Variants in PTPRM observed in about 807,000 individuals in gnomAD.
PTPRM encodes the protein protein tyrosine phosphatase receptor type M.
A neutral mutation model predicts 186.7 loss-of-function variants in PTPRM; 47 were observed. The observed-to-expected ratio is 0.25, with a 90% CI of 0.20 to 0.32. PTPRM has a LOEUF of 0.32. PTPRM is among the 10% of genes least tolerant of loss of function. The pLI is 1.00. For missense variants in PTPRM, 1,494 were observed against 1,865.0 expected (o/e 0.80, Z 3.66); for synonymous variants, 668 against 674.9 (o/e 0.99, Z 0.16).
intron 7 of PTPRM, among the ~76,000 whole-genome samples, chr18:7,993,143 G>C (rs139178146): frequency 1.3e-3 from 192 of 151,830 alleles, no homozygotes; most frequent in African/African-American, 4.3e-3. Flanking sequence ...AATGACTAAA[G>C]TTAAAGATAG....
intron 1 of PTPRM, among the ~76,000 whole-genome samples, chr18:7,625,217 C>T (rs907580883): frequency 6.6e-5 from 10 of 152,152 alleles, no homozygotes; most frequent in East Asian, 1.9e-4. Flanking sequence ...GAATCTGTTT[C>T]CTTTGTTTCT....
intron 5 of PTPRM, among the ~76,000 whole-genome samples, chr18:7,947,848 C>T (rs7239786): frequency 0.25 from 38,421 of 151,936 alleles, 5,885 homozygotes; most frequent in African/African-American, 0.43. Flanking sequence ...GCCATCGTTT[C>T]TGATTATGTA....
intron 14 of PTPRM, among the ~76,000 whole-genome samples, chr18:8,210,290 G>T (rs764924533): frequency 1.1e-4 from 16 of 152,066 alleles, no homozygotes; most frequent in Admixed American, 2.0e-4. Context: ...CAGCCAAGGC[G>T]ACAGAGAGAG....
At chr18:7,990,195 C>T (rs540929641) in intron 7 of PTPRM, among the ~76,000 whole-genome samples, 1 of 152,262 alleles carries the variant, frequency 6.6e-6, no homozygotes, top group South Asian at 2.1e-4. Flanking sequence ...TGAGCCACTG[C>T]ACCCTGACCA....
chr18:7,579,211 C>G (rs1048829245), intron 1 of PTPRM, among the ~76,000 whole-genome samples: 8 of 152,186 alleles, frequency 5.3e-5, no homozygotes, highest in African/African-American at 1.9e-4. Flanking sequence ...ATGGAAGGCC[C>G]TGCATCCTGG....
chr18:7,864,550 G>C (rs1469994659), intron 2 of PTPRM, among the ~76,000 whole-genome samples: 1 of 152,094 alleles, frequency 6.6e-6, no homozygotes, highest in African/African-American at 2.4e-5. Flanking sequence ...TGTTCCATTA[G>C]TCTATATATC....
intron 22 of PTPRM, among the ~76,000 whole-genome samples, chr18:8,333,589 T>C (rs191175823): frequency 6.6e-6 from 1 of 152,324 alleles, no homozygotes; most frequent in East Asian, 1.9e-4. Flanking sequence ...TCGTAACCCT[T>C]ATTATAGATT....
chr18:8,253,306 G>C lies in PTPRM; in HGVS notation c.2646G>C (p.Val882=). ...HTYKKREPAD[V]PYQTGQLHPA... ...ACAAGAAGCGAGAGCCGGCCGACGT[G>C]CCCTATCAGACTGGGCAGCTCCACC... Residue 882 remains valine, a synonymous_variant, in exon 19 of 33, where the codon GTG becomes GTC. Transcript: ENST00000580170. 6.3e-7 allele frequency: 1 copy of C among 1,599,058 alleles called. No homozygotes were observed. The highest frequency in any genetic ancestry group is 8.5e-7 in the Non-Finnish European group (1 of 1,172,940).
intron 1 of PTPRM, among the ~76,000 whole-genome samples, chr18:7,694,519 C>T (rs776043604): frequency 6.6e-5 from 10 of 151,682 alleles, no homozygotes; most frequent in South Asian, 2.1e-4. Flanking sequence ...CTCTGCCACC[C>T]GGGTTCAAGT....
chr18:8,346,038 A>G (rs1447762767), intron 23 of PTPRM, among the ~76,000 whole-genome samples: 6 of 152,248 alleles, frequency 3.9e-5, no homozygotes, highest in African/African-American at 7.2e-5. Context: ...AATATTTTAT[A>G]TACTAAAAGT....
chr18:8,365,155 G>A (rs573347632), intron 23 of PTPRM, among the ~76,000 whole-genome samples: 54 of 152,310 alleles, frequency 3.5e-4, no homozygotes, highest in Non-Finnish European at 5.7e-4. Context: ...ACTGAGGAAA[G>A]CGTAAAGCAC....
Position 8,109,764 on chromosome 18 carries a change from A to G in PTPRM, c.1857-3722A>G, listed in dbSNP as rs564992507. 3.3e-3 allele frequency among the ~76,000 whole-genome samples: 503 copies of G among 152,232 alleles called. 1 individual carries two copies. Among genetic ancestry groups the G allele is most frequent in the African/African-American group, 0.012 (486 of 41,502 alleles). On this transcript the variant is annotated intron_variant, in intron 11 of 32. Coordinates refer to ENST00000580170, the MANE Select transcript of PTPRM (RefSeq NM_001105244.2). ...CTCAAAAAAATTTGTTGAAATAATAAATCAGTGTACACACTCACCCATCAC... is the reference window on the plus strand; with the variant it reads ...CTCAAAAAAATTTGTTGAAATAATAGATCAGTGTACACACTCACCCATCAC...
intron 1 of PTPRM, among the ~76,000 whole-genome samples, chr18:7,696,076 A>G (rs905884061): frequency 1.3e-5 from 2 of 152,162 alleles, no homozygotes; most frequent in Admixed American, 6.5e-5. Context: ...AGTGTCCCCA[A>G]AGATTGGGTT....
chr18:7,688,193 C>T (rs1159160140), intron 1 of PTPRM, among the ~76,000 whole-genome samples: 1 of 152,130 alleles, frequency 6.6e-6, no homozygotes, highest in East Asian at 1.9e-4. Context: ...TACTTCCCAG[C>T]CCGGTAGCAC....
chr18:7,918,711 A>G (rs2050698499), intron 4 of PTPRM, among the ~76,000 whole-genome samples: 1 of 152,136 alleles, frequency 6.6e-6, no homozygotes, highest in Non-Finnish European at 1.5e-5. Context: ...CCTCTGTCAA[A>G]TGGATAGTTT....
chr18:8,189,283 C>T (rs2093680263), intron 14 of PTPRM, among the ~76,000 whole-genome samples: 4 of 114,124 alleles, frequency 3.5e-5, no homozygotes, highest in African/African-American at 7.2e-5. Flanking sequence ...GAGCAAGACT[C>T]GTCTCAAAAA....
intron 14 of PTPRM, among the ~76,000 whole-genome samples, chr18:8,234,261 A>G (rs573965988): frequency 7.9e-5 from 12 of 152,282 alleles, no homozygotes; most frequent in Admixed American, 2.0e-4. Flanking sequence ...GATTTCTTTC[A>G]TCAGAATTTT....
intron 7 of PTPRM, among the ~76,000 whole-genome samples, chr18:8,011,219 G>C (rs1404272150): frequency 6.6e-6 from 1 of 152,176 alleles, no homozygotes; most frequent in Non-Finnish European, 1.5e-5. Context: ...AGTAGATAAG[G>C]TATACTCAGG....
intron 23 of PTPRM, among the ~76,000 whole-genome samples, chr18:8,370,071 T>C (rs910473395): frequency 6.6e-6 from 1 of 151,688 alleles, no homozygotes; most frequent in Non-Finnish European, 1.5e-5. Flanking sequence ...TAGATGAAAA[T>C]GCCAGGAATC....
Sources: allele counts gnomAD v4.1 joint callset (sites outside exome capture counted in the v4.1 genomes callset), GRCh38; gene constraint gnomAD v4.1.1; transcripts MANE v1.5; gene names NCBI Gene and HGNC (gene_info 2026-07-23, HGNC 2026-07-21).